Variants in ZDHHC15 observed in about 807,000 individuals in gnomAD.
ZDHHC15 encodes zDHHC palmitoyltransferase 15, also known as palmitoyltransferase ZDHHC15.
In ZDHHC15, 19 loss-of-function variants were observed where a neutral mutation model predicts 31.7. The ratio of observed to expected loss-of-function variants is 0.60; its 90% confidence interval spans 0.42 to 0.88. ZDHHC15 has a LOEUF of 0.88. ZDHHC15 is among the 40% of genes least tolerant of loss of function. The probability of loss-of-function intolerance (pLI) is 0.00; values close to 1 mark genes in which losing one functional copy is unlikely to be tolerated. For missense variants in ZDHHC15, 209 were observed against 251.2 expected, an observed-to-expected ratio of 0.83 and a Z score of 1.14; for synonymous variants, 103 against 90.0, an observed-to-expected ratio of 1.14 and a Z score of -0.82.
chrX:75,477,676 C>T (rs1410375350), intron 3 of ZDHHC15, among the ~76,000 whole-genome samples: 1 of 111,511 alleles, frequency 9.0e-6, no homozygotes, highest in Non-Finnish European at 1.9e-5. Flanking sequence ...TATAACCACC[C>T]TTGCTCTGTT....
chrX:75,422,001 G>A lies in ZDHHC15; in HGVS notation c.737-11C>T. On this transcript the variant is annotated splice_polypyrimidine_tract_variant and intron_variant, in intron 8 of 11. Transcript: ENST00000373367. Reference sequence around the variant, plus strand: ...GAGTGCAGAAGGCCTCTAAGGCAGGGCAGGAGAGTTGAAGAAAAGAGGAAG... The same window carrying A: ...GAGTGCAGAAGGCCTCTAAGGCAGGACAGGAGAGTTGAAGAAAAGAGGAAG... 8.4e-7 allele frequency: 1 copy of A among 1,192,000 alleles called. No individual in the cohort carries two copies. Among genetic ancestry groups the A allele is most frequent in the Non-Finnish European group, 1.1e-6 (1 of 887,713 alleles).
rs746903076 is a variant in ZDHHC15 at position 75,450,812 on chromosome X, A to C, written c.369T>G (p.Thr123=). Residue 123 remains threonine, a synonymous_variant, in exon 4 of 12, where the codon ACT becomes ACG. Coordinates refer to ENST00000373367, the MANE Select transcript of ZDHHC15 (RefSeq NM_144969.3). Reference sequence around the variant, plus strand: ...TTTGGATGAACTGACCTCCACTTCCAGTTCTTGTGTAAACCGGTAGCTTTT... The same window carrying C: ...TTTGGATGAACTGACCTCCACTTCCCGTTCTTGTGTAAACCGGTAGCTTTT... ...MAKKLPVYTR[T]GSGAVRFCDR... is the part of the protein sequence containing the mutation. 4 of 1,210,956 alleles carry C rather than the reference A, an allele frequency of 3.3e-6. No individual in the cohort carries two copies. The highest frequency in any genetic ancestry group is 4.5e-6 in the Non-Finnish European group (4 of 894,936).
intron 3 of ZDHHC15, among the ~76,000 whole-genome samples, chrX:75,459,820 T>C (rs1009206297): frequency 8.9e-6 from 1 of 112,678 alleles, no homozygotes; most frequent in African/African-American, 3.2e-5. Context: ...GCTAAATATA[T>C]ACAACACAAT....
chrX:75,408,972 C>CA (rs1462914050), intron 10 of ZDHHC15, among the ~76,000 whole-genome samples: 15 of 112,202 alleles, frequency 1.3e-4, no homozygotes, highest in African/African-American at 4.5e-4. Context: ...AAAAATATTT[C>CA]ATGTGCATGG....
At chrX:75,411,144 C>T (rs1350495859) in intron 10 of ZDHHC15, among the ~76,000 whole-genome samples, 6 of 111,043 alleles carry the variant, frequency 5.4e-5, no homozygotes, top group Non-Finnish European at 1.1e-4. Flanking sequence ...GTATACAATT[C>T]GATAGGAGAA....
intron 3 of ZDHHC15, among the ~76,000 whole-genome samples, chrX:75,463,687 A>C (rs1345371160): frequency 8.9e-6 from 1 of 112,126 alleles, no homozygotes; most frequent in Non-Finnish European, 1.9e-5. Context: ...AGACACATGA[A>C]AAAATGCTCA....
At chrX:75,454,031 C>G (rs1437006302) in intron 3 of ZDHHC15, among the ~76,000 whole-genome samples, 2 of 111,440 alleles carry the variant, frequency 1.8e-5, no homozygotes, top group African/African-American at 6.5e-5. Flanking sequence ...ATTGGAAGTT[C>G]TGGCCAGGGA....
intron 3 of ZDHHC15, among the ~76,000 whole-genome samples, chrX:75,459,744 T>C (rs2084282606): frequency 8.9e-6 from 1 of 112,223 alleles, no homozygotes; most frequent in Non-Finnish European, 1.9e-5. Flanking sequence ...GCCTCCAGTT[T>C]TAGAGAGTGA....
At chrX:75,451,221 T>G (rs1007529527) in intron 3 of ZDHHC15, among the ~76,000 whole-genome samples, 1 of 111,967 alleles carries the variant, frequency 8.9e-6, no homozygotes, top group African/African-American at 3.2e-5. Flanking sequence ...CAAACTCAAT[T>G]CATCTGATTT....
chrX:75,502,960 A>G (rs1298917660), intron 2 of ZDHHC15, among the ~76,000 whole-genome samples: 1 of 110,953 alleles, frequency 9.0e-6, no homozygotes, highest in Non-Finnish European at 1.9e-5. Flanking sequence ...TCAATATTTT[A>G]CTGTATATTT....
chrX:75,462,321 T>C (rs888104416), intron 3 of ZDHHC15, among the ~76,000 whole-genome samples: 6 of 112,230 alleles, frequency 5.3e-5, no homozygotes, highest in Non-Finnish European at 9.4e-5. Flanking sequence ...AACACAGTAA[T>C]AGTGAAAGAC....
chrX:75,456,047 C>T (rs1321226768), intron 3 of ZDHHC15, among the ~76,000 whole-genome samples: 1 of 111,644 alleles, frequency 9.0e-6, no homozygotes, highest in Non-Finnish European at 1.9e-5. Context: ...GAAAGACACA[C>T]ACACATGTAT....
At position 75,369,756 on chromosome X, in the gene ZDHHC15, G is replaced by T. The variant is rs2082989699; in HGVS notation, c.*3222C>A. ...AGTTGTACAAATTGCATACTTTTCA[G>T]ATTTTTGACAAAATGTGACTCTTTC... On this transcript the variant is annotated 3_prime_UTR_variant, in exon 12 of 12. Coordinates refer to ENST00000373367, the MANE Select transcript of ZDHHC15 (RefSeq NM_144969.3). The T allele has an allele frequency of 8.9e-6, 1 of 111,751 alleles. No individual in the cohort carries two copies. Among genetic ancestry groups the T allele is most frequent in the South Asian group, 3.7e-4 (1 of 2,684 alleles). 9.2% of individuals were successfully genotyped at this position (111,751 alleles called of 1,213,427 possible). A position where few individuals can be genotyped will look rare whatever the true frequency, so the allele number is the denominator to read the frequency against.
chrX:75,391,698 T>C (rs2083244017), intron 10 of ZDHHC15, among the ~76,000 whole-genome samples: 1 of 112,403 alleles, frequency 8.9e-6, no homozygotes, highest in African/African-American at 3.2e-5. Flanking sequence ...AGAAGTGTTC[T>C]ATAAGAAATG....
Position 75,508,387 on chromosome X carries a change from C to A in ZDHHC15, c.137-2540G>T, listed in dbSNP as rs928416001. Among the ~76,000 whole-genome samples, 61 of 99,772 alleles carry A rather than the reference C, an allele frequency of 6.1e-4. No homozygotes were observed. The Admixed American group carries it at 7.0e-3, about 11-fold the overall frequency. The allele number at this position is 99,772 out of a possible 115,157, so 86.6% of individuals were successfully genotyped here. ...TTCAATTCCCACCTATGAGTGAGAA[C>A]ATGCAGTGTTTGGTTTTTTTTGTCC... On this transcript the variant is annotated intron_variant, in intron 1 of 11. Coordinates refer to ENST00000373367, the MANE Select transcript of ZDHHC15 (RefSeq NM_144969.3).
At chrX:75,521,529 T>C (rs2085441584) in intron 1 of ZDHHC15, among the ~76,000 whole-genome samples, 1 of 110,560 alleles carries the variant, frequency 9.0e-6, no homozygotes, top group East Asian at 2.9e-4. Context: ...TGTCGGGAAA[T>C]ATTGTAGAAT....
rs930409118 is a variant in ZDHHC15, at chrX:75,372,267, T to C, written c.*711A>G. ...ATGTCCTGAATTTGATCTTCTTGAGTAGCTGTGGTGCTTTCAGGAACATTT... is the reference window on the plus strand; with the variant it reads ...ATGTCCTGAATTTGATCTTCTTGAGCAGCTGTGGTGCTTTCAGGAACATTT... On this transcript the variant is annotated 3_prime_UTR_variant, in exon 12 of 12. Transcript: ENST00000373367. The C allele has an allele frequency of 8.9e-5, 10 of 112,065 alleles. No individual in the cohort carries two copies. The highest frequency in any genetic ancestry group is 3.2e-4 in the African/African-American group (10 of 30,846). The allele number at this position is 112,065 out of a possible 1,213,427, so 9.2% of individuals were successfully genotyped here.
In ZDHHC15 at chrX:75,489,888, T is replaced by C. The variant is rs190902475; in HGVS notation, c.164-10903A>G. 3.0e-3 allele frequency among the ~76,000 whole-genome samples: 330 copies of C among 111,250 alleles called. 1 individual carries two copies. Among genetic ancestry groups the C allele is most frequent in the African/African-American group, 0.01 (312 of 30,602 alleles). On this transcript the variant is annotated intron_variant, in intron 2 of 11. Transcript: ENST00000373367. ...AACTAGAATAACCAATGCAGAGAAG[T>C]CCTTAAAGGACCTGATGGAGCTGAA...
intron 4 of ZDHHC15, 80 bp downstream of exon 4, chrX:75,450,722 C>G (rs770180139): frequency 8.3e-7 from 1 of 1,206,234 alleles, no homozygotes; most frequent in Middle Eastern, 2.3e-4. Flanking sequence ...AAAAAAAGGG[C>G]TAGTTTGAGA....
Sources: gnomAD v4.1 joint callset for allele counts (sites outside exome capture counted in the v4.1 genomes callset) on GRCh38, gnomAD v4.1.1 for gene constraint, MANE v1.5 for transcripts, NCBI Gene and HGNC (gene_info 2026-07-23, HGNC 2026-07-21) for gene names.